Variants in PROM2 observed in about 807,000 individuals in gnomAD.
The protein encoded by PROM2 is prominin-2.
A neutral mutation model predicts 110.2 loss-of-function variants in PROM2; 90 were observed. The observed-to-expected ratio is 0.82, with a 90% CI of 0.69 to 0.97. The LOEUF (loss-of-function observed/expected upper bound fraction) is 0.97. Among genes scored for constraint, PROM2 ranks in the 50% least tolerant of loss-of-function variants. The pLI, the probability that PROM2 is intolerant of heterozygous loss-of-function variation, is 0.00. For synonymous variants in PROM2, 470 were observed against 467.8 expected, an observed-to-expected ratio of 1.00 and a Z score of -0.06; for missense variants, 1,009 against 1,074.8, an observed-to-expected ratio of 0.94 and a Z score of 0.86.
intron 10 of PROM2, 78 bp downstream of exon 10, chr2:95,279,222 C>T: frequency 8.4e-7 from 1 of 1,183,756 alleles, no homozygotes; most frequent in Admixed American, 3.0e-5. Flanking sequence ...CACCCTGAGC[C>T]CCATTCCCAG....
rs1677203634 is a variant in PROM2 at position 95,284,095 on chromosome 2, G to A, written c.1729-874G>A. 3.9e-5 allele frequency among the ~76,000 whole-genome samples: 6 copies of A among 152,358 alleles called. No individual in the cohort carries two copies. In the South Asian group the frequency reaches 1.2e-3, roughly 32 times the overall value. On this transcript the variant is annotated intron_variant, in intron 14 of 23. Coordinates refer to ENST00000317620, the MANE Select transcript of PROM2 (RefSeq NM_001165978.3). ...GGGCACTGGAGGAAGGCCAGGTCTT[G>A]GCATTTGGGGCAGGGGCCTACTGGG...
chr2:95,280,052 C>T, intron 11 of PROM2, 55 bp downstream of exon 11: 28 of 1,352,186 alleles, frequency 2.1e-5, no homozygotes, highest in Non-Finnish European at 2.7e-5. Flanking sequence ...TGGCTGATTA[C>T]TCTCGCTCCT....
At position 95,275,466 on chromosome 2, in the gene PROM2, G is replaced by C. The variant is rs146831198; in HGVS notation, c.250G>C (p.Val84Leu). 21 of 1,613,148 alleles carry C rather than the reference G, an allele frequency of 1.3e-5. No individual in the cohort carries two copies. The highest frequency in any genetic ancestry group is 1.6e-5 in the Non-Finnish European group (19 of 1,179,562). Residue 84 changes from valine to leucine, a missense_variant, in exon 2 of 24, where the codon GTA becomes CTA. By Grantham distance (32) the Val-to-Leu change is conservative (BLOSUM62 1). Transcript: ENST00000317620. The surrounding 1 kb of genome is among the most constrained non-coding windows in gnomAD (Gnocchi z 4.4). ...VQLNPFPSEL[V>L]KALLNELASV... ...AGCTTGGCTCTTTCCCATAGAGTTGGTAAAGGCCCTACTGAATGAGCTGGC... is the reference window on the plus strand; with the variant it reads ...AGCTTGGCTCTTTCCCATAGAGTTGCTAAAGGCCCTACTGAATGAGCTGGC...
Position 95,285,705 on chromosome 2 carries a change from G to A in PROM2, c.1942G>A (p.Ala648Thr). The A allele has an allele frequency of 4.4e-6, 7 of 1,597,832 alleles. No individual in the cohort carries two copies. Among genetic ancestry groups the A allele is most frequent in the African/African-American group, 1.3e-5 (1 of 74,682 alleles). ...LAQELQGLAQ[A>T]QDNSVLGQRL... Reference sequence around the variant, plus strand: ...CCAGGAGCTGCAAGGACTGGCCCAGGCCCAAGTGAGTGGGAAACAGGGCCC... The same window carrying A: ...CCAGGAGCTGCAAGGACTGGCCCAGACCCAAGTGAGTGGGAAACAGGGCCC... Residue 648 changes from alanine to threonine, a missense_variant, in exon 16 of 24, where the codon GCC (alanine) becomes ACC (threonine). Physicochemically the swap from Ala to Thr is moderately conservative, Grantham distance 58 (BLOSUM62 0). Transcript: ENST00000317620.
chr2:95,286,335 A>G, intron 16 of PROM2, 144 bp from the exon 17 acceptor site: 1 of 653,566 alleles, frequency 1.5e-6, no homozygotes, highest in South Asian at 2.0e-5. Context: ...CCAAACCAAG[A>G]TCAGGCCCTG....
At position 95,279,924 on chromosome 2, in the gene PROM2, TG is replaced by T; in HGVS notation, c.1358del (p.Gly453AlafsTer77). The T allele has an allele frequency of 6.4e-7, 1 of 1,555,664 alleles. No homozygotes were observed. ...CCTGCTGGGCCTCAATCTGGGCATC[TG>T]GGGCCTGTCTGCCAGGGACGACCCC... ...CNLLGLNLGI[W>X]GLSARDDPSH... On this transcript the variant is annotated frameshift_variant, in exon 11 of 24. Transcript: ENST00000317620. LOFTEE classifies it high-confidence loss of function.
At position 95,274,651 on chromosome 2, in the gene PROM2, G is replaced by A; in HGVS notation, c.66G>A (p.Gln22=). The stretch of plus-strand genomic sequence containing the variant: ...TGGGCCTGGGGCTGGCCCTGAGTCA[G>A]CTGGCTGCAGGGGCCACAGACTGCA... The part of the protein sequence containing the change: ...LGLGLGLALS[Q]LAAGATDCKF... Residue 22 remains glutamine (Q), a synonymous_variant, in exon 1 of 24, where the codon CAG becomes CAA. Transcript: ENST00000317620. 1 of 1,610,078 alleles carries A rather than the reference G, an allele frequency of 6.2e-7. No individual in the cohort carries two copies. Among genetic ancestry groups the A allele is most frequent in the Non-Finnish European group, 8.5e-7 (1 of 1,177,460 alleles).
rs1676526342 is a variant in PROM2, at chr2:95,274,477, C to T, written c.-109C>T. ...AGCTCAGGAACCCAAACCTGTCGGG[C>T]AGGTTTTGAGAGCTGTGGAGAGAGG... is the stretch of plus-strand genomic sequence containing the variant. On this transcript the variant is annotated 5_prime_UTR_variant, in exon 1 of 24. Coordinates refer to ENST00000317620, the MANE Select transcript of PROM2 (RefSeq NM_001165978.3). 1.5e-6 allele frequency: 2 copies of T among 1,377,884 alleles called. No individual in the cohort carries two copies. Among genetic ancestry groups the T allele is most frequent in the Non-Finnish European group, 1.9e-6 (2 of 1,044,438 alleles). The allele number at this position is 1,377,884 out of a possible 1,614,324, so 85.4% of individuals were successfully genotyped here.
At chr2:95,283,989 T>C (rs1677197034) in intron 14 of PROM2, among the ~76,000 whole-genome samples, 1 of 152,218 alleles carries the variant, frequency 6.6e-6, no homozygotes, top group Non-Finnish European at 1.5e-5. Context: ...TCGACACAGC[T>C]GATGGGATAA....
Position 95,279,238 on chromosome 2 carries a change from A to G in PROM2, c.1274+94A>G, listed in dbSNP as rs145249787. On this transcript the variant is annotated intron_variant, in intron 10 of 23. Coordinates refer to ENST00000317620, the MANE Select transcript of PROM2 (RefSeq NM_001165978.3). ...ACCCTGAGCCCCATTCCCAGCCTCTATCAGCCCCTGACTGTACTGAGCCTC... is the reference window on the plus strand; with the variant it reads ...ACCCTGAGCCCCATTCCCAGCCTCTGTCAGCCCCTGACTGTACTGAGCCTC... 27 of 1,012,744 alleles carry G rather than the reference A, an allele frequency of 2.7e-5. No individual in the cohort carries two copies. The African/African-American group carries it at 3.6e-4, about 13-fold the overall frequency. The allele number at this position is 1,012,744 out of a possible 1,614,324, so 62.7% of individuals were successfully genotyped here. A position where few individuals can be genotyped will look rare whatever the true frequency, so the allele number is the denominator to read the frequency against.
In PROM2 at chr2:95,285,686, G is replaced by A. The variant is rs1415238065; in HGVS notation, c.1923G>A (p.Glu641=). ...CCAGCATGGAGCAGCTGGCCCAGGA[G>A]CTGCAAGGACTGGCCCAGGCCCAAG... ...VKTSMEQLAQ[E]LQGLAQAQDN... Residue 641 remains glutamate, a synonymous_variant, in exon 16 of 24, where the codon GAG becomes GAA. Coordinates refer to ENST00000317620, the MANE Select transcript of PROM2 (RefSeq NM_001165978.3). The A allele has an allele frequency of 6.2e-7, 1 of 1,604,096 alleles. No homozygotes were observed. The highest frequency in any genetic ancestry group is 8.5e-7 in the Non-Finnish European group (1 of 1,175,134).
At position 95,277,369 on chromosome 2, in the gene PROM2, C is replaced by T. The variant is rs1205636210; in HGVS notation, c.778C>T (p.Gln260Ter). 1.2e-6 allele frequency: 2 copies of T among 1,609,858 alleles called. No individual in the cohort carries two copies. Among genetic ancestry groups the T allele is most frequent in the East Asian group, 2.2e-5 (1 of 44,814 alleles). The change falls in exon 7 of 24, where the codon CAG (glutamine) becomes TAG (stop). Residue 260 changes from glutamine (Q) to a stop codon, truncating the protein, a stop_gained. Transcript: ENST00000317620. LOFTEE classifies it high-confidence loss of function. ...GCTGGGTGTGGGTCTCTCAGTCCTG[C>T]AGGTCTCCGTGCACCACCTGCAAAC... is the stretch of plus-strand genomic sequence containing the variant. ...AAVGSLGQVL[Q>*]VSVHHLQTLN...
At chr2:95,289,057 T>TTGG in intron 23 of PROM2, 51 bp downstream of exon 23, 2 of 802,934 alleles carry the variant, frequency 2.5e-6, no homozygotes, top group East Asian at 3.7e-5. Flanking sequence ...ATTAAGGGAG[T>TTGG]GGGGTGGGGA....
intron 10 of PROM2, 68 bp downstream of exon 10, chr2:95,279,212 C>A: frequency 7.9e-7 from 1 of 1,260,308 alleles, no homozygotes; most frequent in South Asian, 1.6e-5. Flanking sequence ...GCCACCCTGA[C>A]ACCCTGAGCC....
intron 14 of PROM2, among the ~76,000 whole-genome samples, chr2:95,282,921 C>T (rs1677133145): frequency 6.6e-6 from 1 of 152,158 alleles, no homozygotes; most frequent in Non-Finnish European, 1.5e-5. Context: ...CCTGGTTCCC[C>T]TCGCCCTCCC....
rs186889921 is a variant in PROM2, at chr2:95,289,644, C to T, written c.*431C>T. On this transcript the variant is annotated 3_prime_UTR_variant, in exon 24 of 24. Transcript: ENST00000317620. ...CCCCTGCCCCTCTCTGAGCCCCTCG[C>T]CCCCCACACCGTCCTCATCTGGCCT... The T allele has an allele frequency of 2.2e-3, 332 of 148,522 alleles. 1 individual carries two copies. Among genetic ancestry groups the T allele is most frequent in the Non-Finnish European group, 3.6e-3 (245 of 67,186 alleles). The allele number at this position is 148,522 out of a possible 1,614,324, so 9.2% of individuals were successfully genotyped here. A position where few individuals can be genotyped will look rare whatever the true frequency, so the allele number is the denominator to read the frequency against.
rs773637312 is a variant in PROM2, at chr2:95,288,974, G to C, written c.2483G>C (p.Arg828Pro). The C allele has an allele frequency of 9.3e-6, 15 of 1,613,984 alleles. No homozygotes were observed. In the Admixed American group the frequency reaches 2.3e-4, roughly 25 times the overall value. ...SEETQLFHIP[R>P]VTSLKL The stretch of plus-strand genomic sequence containing the variant: ...GAGACTCAGCTCTTCCACATCCCCC[G>C]GGTTACCTCCCTGAAGCTGTAGGGC... Residue 828 changes from arginine (R) to proline (P), a missense_variant, in exon 23 of 24, where the codon CGG becomes CCG. Coordinates refer to ENST00000317620, the MANE Select transcript of PROM2 (RefSeq NM_001165978.3).
rs1677437062 is a variant in PROM2 at position 95,287,463 on chromosome 2, A to G, written c.2243A>G (p.Glu748Gly). 1 of 1,613,638 alleles carries G rather than the reference A, an allele frequency of 6.2e-7. No homozygotes were observed. The highest frequency in any genetic ancestry group is 1.3e-5 in the African/African-American group (1 of 74,956). ...FSQYVAWVRE[E>G]VTQRIATCQP... ...CAGTACGTGGCCTGGGTGAGAGAGG[A>G]GGTGAGTGGGGCCTCAGAAGCAATG... The change falls in exon 20 of 24, where the codon GAG becomes GGG. Residue 748 changes from glutamate (E) to glycine (G), a missense_variant and splice_region_variant. Glu to Gly is a moderately conservative substitution (Grantham distance 98). Transcript: ENST00000317620.
In PROM2 at chr2:95,276,845, G is replaced by A. The variant is rs561674013; in HGVS notation, c.683-127G>A. The A allele has an allele frequency of 2.0e-5, 23 of 1,145,964 alleles. No individual in the cohort carries two copies. Among genetic ancestry groups the A allele is most frequent in the African/African-American group, 7.7e-5 (5 of 64,942 alleles). 71.0% of individuals were successfully genotyped at this position (1,145,964 alleles called of 1,614,324 possible). On this transcript the variant is annotated intron_variant, in intron 5 of 23. Transcript: ENST00000317620. This position sits in a 1 kb window ranked among gnomAD's most constrained non-coding sequence, Gnocchi z 4.6. ...TGCTGGAGGAAGAAGCCGTGTCCCC[G>A]CTCCTTCACTCCCCTCCACCCCCCG...
Sources: allele counts gnomAD v4.1 joint callset (sites outside exome capture counted in the v4.1 genomes callset), GRCh38; gene constraint gnomAD v4.1.1; non-coding constraint Gnocchi (gnomAD v3.1); transcripts MANE v1.5; gene names NCBI Gene and HGNC (gene_info 2026-07-23, HGNC 2026-07-21).